The following SNTG1 variants were observed in gnomAD, a reference collection of about 807,000 sequenced individuals.
The protein encoded by SNTG1 is syntrophin gamma 1, also known as gamma-1-syntrophin.
A neutral mutation model predicts 74.7 loss-of-function variants in SNTG1; 39 were observed. The ratio of observed to expected loss-of-function variants is 0.52; its 90% CI spans 0.40 to 0.68. The LOEUF is 0.68. Ranked by LOEUF, SNTG1 falls within the 30% of genes least tolerant of loss-of-function variation. The pLI is 0.00. For missense variants in SNTG1, 685 were observed against 609.5 expected (o/e 1.12, Z -1.30); for synonymous variants, 254 against 217.1 (o/e 1.17, Z -1.49).
At chr8:50,229,936 G>A (rs2085530988) in intron 2 of SNTG1, among the ~76,000 whole-genome samples, 1 of 151,470 alleles carries the variant, frequency 6.6e-6, no homozygotes, top group Admixed American at 6.6e-5. Context: ...TGAGATGTGG[G>A]ACATCCTCCA....
intron 2 of SNTG1, among the ~76,000 whole-genome samples, chr8:50,272,170 A>G (rs147403047): frequency 8.6e-4 from 131 of 152,310 alleles, no homozygotes; most frequent in Admixed American, 2.2e-3. Context: ...ACATTTAGTT[A>G]TATATATCAT....
chr8:50,313,190 G>C (rs991178474), intron 2 of SNTG1, among the ~76,000 whole-genome samples: 1 of 149,748 alleles, frequency 6.7e-6, no homozygotes, highest in African/African-American at 2.5e-5. Flanking sequence ...TGAAATGTAA[G>C]ATCTGAAACT....
rs182384748 is a variant in SNTG1, at chr8:50,153,051, G to A, written c.-102-19510G>A. ...TCACTTTCAGGTACACCAATCAGAC[G>A]TAGATTTGGTCTTTTCACATAGTAC... On this transcript the variant is annotated intron_variant, in intron 1 of 18. Transcript: ENST00000642720. 7.0e-4 allele frequency among the ~76,000 whole-genome samples: 106 copies of A among 152,230 alleles called. 1 individual carries two copies. In the South Asian group the frequency reaches 8.7e-3, roughly 13 times the overall value.
intron 18 of SNTG1, among the ~76,000 whole-genome samples, chr8:50,780,363 T>C (rs940452453): frequency 1.4e-4 from 21 of 152,216 alleles, no homozygotes; most frequent in Non-Finnish European, 4.4e-5. Context: ...AGCTATTGAT[T>C]ATTGCCACAA....
chr8:50,198,175 G>A (rs2083849836), intron 2 of SNTG1, among the ~76,000 whole-genome samples: 1 of 152,140 alleles, frequency 6.6e-6, no homozygotes, highest in Admixed American at 6.5e-5. Flanking sequence ...TCCTAGGCCA[G>A]TGACTTGACT....
At chr8:49,975,259 T>C (rs1451175717) in intron 1 of SNTG1, among the ~76,000 whole-genome samples, 1 of 152,216 alleles carries the variant, frequency 6.6e-6, no homozygotes, top group Non-Finnish European at 1.5e-5. Context: ...TATTTAGCAA[T>C]ATTCAAGAGA....
chr8:50,747,314 C>T (rs7003138), intron 17 of SNTG1, among the ~76,000 whole-genome samples: 15,551 of 151,944 alleles, frequency 0.1, 2,223 homozygotes, highest in African/African-American at 0.32. Context: ...AAATGATGCA[C>T]TGAACTAGTA....
chr8:50,421,058 G>GT (rs1563363036), intron 4 of SNTG1, among the ~76,000 whole-genome samples: 1 of 107,752 alleles, frequency 9.3e-6, no homozygotes, highest in Non-Finnish European at 1.9e-5. Context: ...GGGGAGGGGG[G>GT]GGCGAAGATA....
chr8:50,268,052 G>A (rs1334001113), intron 2 of SNTG1, among the ~76,000 whole-genome samples: 1 of 152,144 alleles, frequency 6.6e-6, no homozygotes, highest in Non-Finnish European at 1.5e-5. Flanking sequence ...AACACTATAT[G>A]AGTTTAGCAA....
At chr8:50,090,007 A>T (rs2079659585) in intron 1 of SNTG1, among the ~76,000 whole-genome samples, 1 of 152,258 alleles carries the variant, frequency 6.6e-6, no homozygotes, top group South Asian at 2.1e-4. Context: ...TAGAAGAGAA[A>T]ATTTCTATAG....
At chr8:50,216,118 G>C (rs1487684232) in intron 2 of SNTG1, among the ~76,000 whole-genome samples, 1 of 152,102 alleles carries the variant, frequency 6.6e-6, no homozygotes, top group African/African-American at 2.4e-5. Context: ...TCCAAGGACT[G>C]TTTTCAATGG....
intron 2 of SNTG1, among the ~76,000 whole-genome samples, chr8:50,217,654 CCATT>C (rs1480733203): frequency 1.4e-5 from 2 of 140,548 alleles, no homozygotes; most frequent in Non-Finnish European, 3.1e-5. Context: ...TTCCATGGTT[CCATT>C]ACATTCTACA....
intron 4 of SNTG1, among the ~76,000 whole-genome samples, chr8:50,413,328 C>A (rs2092973389): frequency 6.6e-6 from 1 of 152,080 alleles, no homozygotes; most frequent in Non-Finnish European, 1.5e-5. Flanking sequence ...TAATTTAACA[C>A]TGTTCATTTG....
At chr8:50,417,754 C>T (rs1030198205) in intron 4 of SNTG1, among the ~76,000 whole-genome samples, 5 of 152,046 alleles carry the variant, frequency 3.3e-5, no homozygotes, top group African/African-American at 1.2e-4. Context: ...AAAATGAAGC[C>T]GAGAAAACAA....
At chr8:50,577,310 C>A (rs191431659) in intron 12 of SNTG1, among the ~76,000 whole-genome samples, 1 of 152,242 alleles carries the variant, frequency 6.6e-6, no homozygotes, top group African/African-American at 2.4e-5. Context: ...ATCTTCCATT[C>A]CAGGAATAAA....
chr8:50,208,877 G>A (rs1306668831), intron 2 of SNTG1, among the ~76,000 whole-genome samples: 1 of 152,184 alleles, frequency 6.6e-6, no homozygotes, highest in Non-Finnish European at 1.5e-5. Context: ...GAGGTACCAG[G>A]TTCATCTCAC....
chr8:50,079,549 C>CAG, intron 1 of SNTG1, among the ~76,000 whole-genome samples: 1 of 152,116 alleles, frequency 6.6e-6, no homozygotes, highest in Admixed American at 6.6e-5. Context: ...TTTTGCTGAG[C>CAG]AGAAGCTCTT....
chr8:50,488,899 G>A (rs1399710484), intron 8 of SNTG1, among the ~76,000 whole-genome samples: 1 of 152,026 alleles, frequency 6.6e-6, no homozygotes, highest in African/African-American at 2.4e-5. Context: ...TCTACATTAG[G>A]TATTTCTTCT....
At chr8:50,598,203 G>A (rs2094745159) in intron 13 of SNTG1, among the ~76,000 whole-genome samples, 1 of 151,710 alleles carries the variant, frequency 6.6e-6, no homozygotes, top group African/African-American at 2.4e-5. Context: ...ATAGTTTCAG[G>A]TCTTACTTAA....
Sources: allele counts gnomAD v4.1 joint callset (sites outside exome capture counted in the v4.1 genomes callset), GRCh38; gene constraint gnomAD v4.1.1; transcripts MANE v1.5; gene names NCBI Gene and HGNC (gene_info 2026-07-23, HGNC 2026-07-21).